Variants in LUZP2 observed in about 807,000 individuals in gnomAD.
LUZP2 encodes the protein leucine zipper protein 2.
In LUZP2, 52 loss-of-function variants were observed where a neutral mutation model predicts 51.6. The observed-to-expected ratio is 1.01, with a 90% CI of 0.81 to 1.27. The LOEUF is 1.27. Among genes scored for constraint, LUZP2 ranks in the 50% most tolerant of loss-of-function variants. The probability of loss-of-function intolerance (pLI) is 0.00; values close to 1 mark genes in which losing one functional copy is unlikely to be tolerated. For missense variants in LUZP2, 436 were observed against 395.4 expected (o/e 1.10, Z -0.87); for synonymous variants, 154 against 137.3 (o/e 1.12, Z -0.85).
At chr11:24,648,579 G>A (rs1447586889) in intron 1 of LUZP2, among the ~76,000 whole-genome samples, 2 of 151,794 alleles carry the variant, frequency 1.3e-5, no homozygotes, top group African/African-American at 2.4e-5. Flanking sequence ...ATTTCTTCCA[G>A]AAACCAAAGT....
intron 10 of LUZP2, among the ~76,000 whole-genome samples, chr11:25,072,852 A>C (rs2134057257): frequency 6.6e-6 from 1 of 151,464 alleles, no homozygotes; most frequent in South Asian, 2.1e-4. Flanking sequence ...GTCATCTTGA[A>C]GCCTATATTT....
At chr11:24,888,868 C>T (rs1012330710) in intron 5 of LUZP2, among the ~76,000 whole-genome samples, 4 of 152,054 alleles carry the variant, frequency 2.6e-5, no homozygotes, top group Non-Finnish European at 2.9e-5. Context: ...CACTCGGCAC[C>T]GCTCCTTCCT....
At chr11:24,556,244 C>A (rs537292823) in intron 1 of LUZP2, among the ~76,000 whole-genome samples, 1 of 152,062 alleles carries the variant, frequency 6.6e-6, no homozygotes, top group Non-Finnish European at 1.5e-5. Flanking sequence ...GTTTTTATTA[C>A]GTTGAAAGTT....
intron 10 of LUZP2, among the ~76,000 whole-genome samples, chr11:25,063,546 T>C (rs1485122727): frequency 4.0e-5 from 6 of 151,880 alleles, no homozygotes; most frequent in Admixed American, 3.9e-4. Flanking sequence ...TTGATATGTT[T>C]TATAAGAAAA....
chr11:24,834,401 CAT>C (rs1408539772), intron 5 of LUZP2, among the ~76,000 whole-genome samples: 1 of 152,194 alleles, frequency 6.6e-6, no homozygotes, highest in Non-Finnish European at 1.5e-5. Context: ...CAGCTCCATC[CAT>C]GTCCCTGCAA....
chr11:24,995,843 T>C (rs909653442), intron 9 of LUZP2, among the ~76,000 whole-genome samples: 1 of 151,998 alleles, frequency 6.6e-6, no homozygotes, highest in Non-Finnish European at 1.5e-5. Flanking sequence ...GTTTCCAGAA[T>C]TTTCTAGAAA....
intron 5 of LUZP2, among the ~76,000 whole-genome samples, chr11:24,903,198 C>A (rs1590710357): frequency 1.3e-5 from 2 of 152,224 alleles, no homozygotes; most frequent in African/African-American, 4.8e-5. Flanking sequence ...ATACACATCT[C>A]TTCAAATATG....
intron 1 of LUZP2, among the ~76,000 whole-genome samples, chr11:24,726,525 TC>T (rs924851175): frequency 6.6e-6 from 1 of 151,134 alleles, no homozygotes; most frequent in African/African-American, 2.4e-5. Context: ...CCCACCCTAC[TC>T]CCCCCACCAA....
intron 4 of LUZP2, among the ~76,000 whole-genome samples, chr11:24,748,416 G>A (rs1453847135): frequency 4.0e-5 from 6 of 151,896 alleles, no homozygotes; most frequent in Admixed American, 1.3e-4. Context: ...TGGGTTCTGC[G>A]GGAGCAGTTT....
At chr11:24,703,604 C>T (rs1033832745) in intron 1 of LUZP2, among the ~76,000 whole-genome samples, 1 of 152,030 alleles carries the variant, frequency 6.6e-6, no homozygotes, top group Non-Finnish European at 1.5e-5. Flanking sequence ...AGGTGGATCA[C>T]CTGAGGTCAG....
chr11:24,582,425 A>C (rs2133824333), intron 1 of LUZP2, among the ~76,000 whole-genome samples: 1 of 151,820 alleles, frequency 6.6e-6, no homozygotes, highest in Non-Finnish European at 1.5e-5. Context: ...AAGCCACAGT[A>C]CATAGGATGT....
chr11:24,640,374 C>T (rs1217588412), intron 1 of LUZP2, among the ~76,000 whole-genome samples: 1 of 151,784 alleles, frequency 6.6e-6, no homozygotes, highest in East Asian at 1.9e-4. Context: ...TTGTGGGAAG[C>T]TGTGAATTTA....
intron 9 of LUZP2, among the ~76,000 whole-genome samples, chr11:25,012,479 T>A (rs1394676640): frequency 6.6e-6 from 1 of 152,198 alleles, no homozygotes; most frequent in Non-Finnish European, 1.5e-5. Context: ...CATTTTTACT[T>A]CCTTCTTTGC....
rs1590623178 is a variant in LUZP2 at position 24,840,226 on chromosome 11, T to A, written c.397-65765T>A. On this transcript the variant is annotated intron_variant, in intron 5 of 11. Transcript: ENST00000336930. Reference sequence around the variant, plus strand: ...TATTCTCCTCAACCCTTTCTTCTTATGTCTATACCTTCCACGCTTAGGCTT... The same window carrying A: ...TATTCTCCTCAACCCTTTCTTCTTAAGTCTATACCTTCCACGCTTAGGCTT... 2.0e-5 allele frequency among the ~76,000 whole-genome samples: 3 copies of A among 151,814 alleles called. No homozygotes were observed. The South Asian group carries it at 6.2e-4, about 31-fold the overall frequency.
At chr11:24,944,499 A>G (rs1471263516) in intron 7 of LUZP2, among the ~76,000 whole-genome samples, 1 of 152,246 alleles carries the variant, frequency 6.6e-6, no homozygotes, top group African/African-American at 2.4e-5. Flanking sequence ...GAGACTGGAA[A>G]TATGTGTGAG....
At chr11:24,934,331 C>T (rs914408120) in intron 7 of LUZP2, among the ~76,000 whole-genome samples, 2 of 152,138 alleles carry the variant, frequency 1.3e-5, no homozygotes, top group African/African-American at 4.8e-5. Context: ...TTTCCCCTTA[C>T]CTTCTGTCAT....
intron 7 of LUZP2, among the ~76,000 whole-genome samples, chr11:24,969,331 A>G (rs1277355102): frequency 6.6e-6 from 1 of 152,192 alleles, no homozygotes; most frequent in Non-Finnish European, 1.5e-5. Flanking sequence ...ATCAAGAAAT[A>G]TAAATATCTA....
chr11:24,762,228 C>T (rs1860008403), intron 4 of LUZP2, among the ~76,000 whole-genome samples: 1 of 152,114 alleles, frequency 6.6e-6, no homozygotes, highest in Non-Finnish European at 1.5e-5. Flanking sequence ...CAGAGATCAC[C>T]TGGATCGTGA....
chr11:24,816,326 C>A (rs1463771985), intron 5 of LUZP2, among the ~76,000 whole-genome samples: 1 of 151,560 alleles, frequency 6.6e-6, no homozygotes, highest in East Asian at 1.9e-4. Context: ...GATAGTGTCA[C>A]CTCAACAGTA....
Sources: gnomAD v4.1 joint callset for allele counts (sites outside exome capture counted in the v4.1 genomes callset) on GRCh38, gnomAD v4.1.1 for gene constraint, MANE v1.5 for transcripts, NCBI Gene and HGNC (gene_info 2026-07-23, HGNC 2026-07-21) for gene names.